CDH13: variants seen among roughly 807,000 people sequenced by gnomAD.
CDH13 encodes cadherin 13.
CDH13 carries 24 observed loss-of-function variants against 63.8 expected under a neutral mutation model. The observed-to-expected ratio is 0.38, with a 90% CI of 0.27 to 0.53. CDH13 has a LOEUF of 0.53. CDH13 is among the 20% of genes least tolerant of loss of function. The probability of loss-of-function intolerance (pLI) is 0.85; values close to 1 mark genes in which losing one functional copy is unlikely to be tolerated. For synonymous variants in CDH13, 503 were observed against 355.3 expected (o/e 1.42, Z -4.67); for missense variants, 1,049 against 903.1 (o/e 1.16, Z -2.07).
intron 3 of CDH13, among the ~76,000 whole-genome samples, chr16:83,096,198 G>C (rs988027166): frequency 6.6e-6 from 1 of 152,208 alleles, no homozygotes. Flanking sequence ...TGTGGACTTT[G>C]TCCTTGTGAA....
intron 6 of CDH13, among the ~76,000 whole-genome samples, chr16:83,387,369 T>A (rs373262721): frequency 1.3e-5 from 2 of 152,194 alleles, no homozygotes; most frequent in Admixed American, 1.3e-4. Flanking sequence ...CACTTCTAGT[T>A]GTTTACTATT....
intron 5 of CDH13, among the ~76,000 whole-genome samples, chr16:83,281,449 C>G (rs1423605608): frequency 1.3e-5 from 2 of 152,194 alleles, no homozygotes; most frequent in East Asian, 1.9e-4. Flanking sequence ...CAAACTTTCT[C>G]CACATCAGCA....
chr16:83,611,565 C>A (rs981074575), intron 8 of CDH13, among the ~76,000 whole-genome samples: 2 of 151,708 alleles, frequency 1.3e-5, no homozygotes, highest in East Asian at 1.9e-4. Flanking sequence ...CTTTGGGTAT[C>A]TTTCACCATT....
At chr16:83,089,828 T>A (rs1180789108) in intron 3 of CDH13, among the ~76,000 whole-genome samples, 3 of 152,184 alleles carry the variant, frequency 2.0e-5, no homozygotes, top group African/African-American at 7.2e-5. Context: ...TTCACGTGCA[T>A]ACAGATTACC....
intron 2 of CDH13, among the ~76,000 whole-genome samples, chr16:82,901,045 T>A (rs2041449442): frequency 6.6e-6 from 1 of 151,120 alleles, no homozygotes; most frequent in Non-Finnish European, 1.5e-5. Flanking sequence ...CTCATAAGGT[T>A]GTTTCACATG....
At chr16:82,873,793 C>T (rs1271063941) in intron 2 of CDH13, among the ~76,000 whole-genome samples, 1 of 152,044 alleles carries the variant, frequency 6.6e-6, no homozygotes, top group African/African-American at 2.4e-5. Context: ...GGATGCCCAC[C>T]AAAGATGACC....
intron 5 of CDH13, among the ~76,000 whole-genome samples, chr16:83,263,194 A>G (rs560801963): frequency 6.6e-6 from 1 of 152,344 alleles, no homozygotes; most frequent in East Asian, 1.9e-4. Flanking sequence ...GAATCAAGTG[A>G]TACAGGTGTT....
chr16:83,703,905 A>G lies in CDH13; in HGVS notation c.1538+25444A>G, dbSNP rs996075146. Reference sequence around the variant, plus strand: ...ACACAACCTTTTCAGCCACCGTAACATCCATTCAACTGCACAAAATATGTC... The same window carrying G: ...ACACAACCTTTTCAGCCACCGTAACGTCCATTCAACTGCACAAAATATGTC... On this transcript the variant is annotated intron_variant, in intron 10 of 13. Coordinates refer to ENST00000567109, the MANE Select transcript of CDH13 (RefSeq NM_001257.5). 2.6e-5 allele frequency among the ~76,000 whole-genome samples: 4 copies of G among 152,304 alleles called. No individual in the cohort carries two copies. In the South Asian group the frequency reaches 8.3e-4, roughly 32 times the overall value.
chr16:83,217,165 G>A (rs576934825), intron 4 of CDH13, among the ~76,000 whole-genome samples, 180 bp from the exon 5 acceptor site: 1 of 152,324 alleles, frequency 6.6e-6, no homozygotes, highest in Admixed American at 6.5e-5. Context: ...TGGATATTAG[G>A]ATGAAAGGCG....
At chr16:83,468,786 G>C (rs979440524) in intron 6 of CDH13, among the ~76,000 whole-genome samples, 7 of 152,124 alleles carry the variant, frequency 4.6e-5, no homozygotes, top group African/African-American at 1.7e-4. Context: ...TAAGTTCTGG[G>C]ATACGTGTGC....
chr16:83,086,025 C>G (rs2033571976), intron 3 of CDH13, among the ~76,000 whole-genome samples: 1 of 152,188 alleles, frequency 6.6e-6, no homozygotes, highest in African/African-American at 2.4e-5. Flanking sequence ...ACAGCTAAGG[C>G]AGGTGTACTG....
chr16:83,116,210 T>C (rs1209328941), intron 3 of CDH13, among the ~76,000 whole-genome samples: 1 of 152,206 alleles, frequency 6.6e-6, no homozygotes, highest in Non-Finnish European at 1.5e-5. Context: ...GGTCTTGACA[T>C]TGAGCACCAT....
chr16:82,761,967 G>C (rs577615557), intron 1 of CDH13, among the ~76,000 whole-genome samples: 1 of 152,254 alleles, frequency 6.6e-6, no homozygotes, highest in South Asian at 2.1e-4. Context: ...ATGCATTAAA[G>C]GCACAAAAGC....
At chr16:82,674,918 C>G (rs908362901) in intron 1 of CDH13, among the ~76,000 whole-genome samples, 2 of 148,730 alleles carry the variant, frequency 1.3e-5, no homozygotes, top group African/African-American at 2.6e-5. Flanking sequence ...AAGTCATAAT[C>G]TATTAATTTG....
chr16:83,282,345 C>T (rs372390786), intron 5 of CDH13, among the ~76,000 whole-genome samples: 16 of 152,262 alleles, frequency 1.1e-4, no homozygotes, highest in African/African-American at 1.9e-4. Context: ...ACATGCTCAA[C>T]GCAGGGTTGC....
intron 1 of CDH13, among the ~76,000 whole-genome samples, chr16:82,660,852 A>G (rs1174253287): frequency 6.6e-6 from 1 of 152,140 alleles, no homozygotes; most frequent in Non-Finnish European, 1.5e-5. Context: ...CAAGTAAAAT[A>G]TATGTGGATG....
At chr16:82,627,358 G>GTGTGTGTGTGTA (rs1907434471) in intron 1 of CDH13, among the ~76,000 whole-genome samples, 1 of 151,752 alleles carries the variant, frequency 6.6e-6, no homozygotes, top group South Asian at 2.1e-4. Context: ...GTGTGTGTGT[G>GTGTGTGTGTGTA]TGTGTGTGTG....
At chr16:83,077,490 GC>G (rs2032935044) in intron 3 of CDH13, among the ~76,000 whole-genome samples, 1 of 151,938 alleles carries the variant, frequency 6.6e-6, no homozygotes, top group East Asian at 1.9e-4. Flanking sequence ...ATCACACCTG[GC>G]CAGCATAAGA....
At chr16:82,694,284 T>C (rs1288931290) in intron 1 of CDH13, among the ~76,000 whole-genome samples, 3 of 152,236 alleles carry the variant, frequency 2.0e-5, no homozygotes, top group East Asian at 1.9e-4. Flanking sequence ...GTACATGAGA[T>C]TGAACAGAGT....
Sources: allele counts gnomAD v4.1 joint callset (sites outside exome capture counted in the v4.1 genomes callset), GRCh38; gene constraint gnomAD v4.1.1; transcripts MANE v1.5; gene names NCBI Gene and HGNC (gene_info 2026-07-23, HGNC 2026-07-21).